Variants in KIF6 observed in about 807,000 individuals in gnomAD.
KIF6 encodes kinesin-like protein KIF6.
Under a neutral mutation model 112.7 loss-of-function variants are expected in KIF6, and 106 were observed. The ratio of observed to expected loss-of-function variants is 0.94; its 90% CI spans 0.80 to 1.11. The LOEUF (loss-of-function observed/expected upper bound fraction) is 1.11. Ranked by LOEUF, KIF6 falls within the 50% of genes least tolerant of loss-of-function variation. KIF6 has a pLI of 0.00. For missense variants in KIF6, 929 were observed against 964.0 expected (o/e 0.96, Z 0.48); for synonymous variants, 339 against 339.9 (o/e 1.00, Z 0.03).
At position 39,468,766 on chromosome 6, in the gene KIF6, TG is replaced by T. The variant is rs535408669; in HGVS notation, c.1646-37606del. On this transcript the variant is annotated intron_variant, in intron 13 of 22. Coordinates refer to ENST00000287152, the MANE Select transcript of KIF6 (RefSeq NM_145027.6). ...CTCTAAAGGTTAATTCAATTCCACA[TG>T]AAAAAAAAAAGGACACCAGTAAAAG... Among the ~76,000 whole-genome samples the T allele has an allele frequency of 4.7e-3, 705 of 149,628 alleles. 5 individuals are homozygous for T. The highest frequency in any genetic ancestry group is 8.6e-3 in the Non-Finnish European group (577 of 67,468).
At chr6:39,346,116 C>CCTCCCTCTCTCTCTCT (rs1763753780) in intron 20 of KIF6, among the ~76,000 whole-genome samples, 1 of 17,844 alleles carries the variant, frequency 5.6e-5, no homozygotes, top group African/African-American at 3.7e-4. Flanking sequence ...CCTCCCTCTC[C>CCTCCCTCTCTCTCTCT]CTCTCCCTCC....
intron 5 of KIF6, among the ~76,000 whole-genome samples, chr6:39,621,948 C>G (rs1200598505): frequency 6.6e-6 from 1 of 151,950 alleles, no homozygotes; most frequent in Non-Finnish European, 1.5e-5. Context: ...GGTGGATCAC[C>G]TGAGGTCAGG....
In KIF6 at chr6:39,639,752, A is replaced by G; in HGVS notation, c.257T>C (p.Leu86Pro). 1 of 1,608,772 alleles carries G rather than the reference A, an allele frequency of 6.2e-7. No homozygotes were observed. Among genetic ancestry groups the G allele is most frequent in the South Asian group, 1.1e-5 (1 of 89,854 alleles). Residue 86 changes from leucine to proline, a missense_variant, in exon 4 of 23, where the codon CTG (leucine) becomes CCG (proline). Leu to Pro is a moderately conservative substitution (Grantham distance 98). Around this residue, in one of 2 missense-constraint regions of KIF6, gnomAD observed 688 missense variants for 662.7 expected, o/e 1.04. Transcript: ENST00000287152. The stretch of plus-strand genomic sequence containing the variant: ...AAAGATGGTACCATTGTAACCTGCC[A>G]GGACACTGCAATAAAGAAATGACAC... ...NIAKPVAGSV[L>P]AGYNGTIFAY...
At chr6:39,520,843 A>C (rs1235713180) in intron 13 of KIF6, among the ~76,000 whole-genome samples, 3 of 152,196 alleles carry the variant, frequency 2.0e-5, no homozygotes, top group Non-Finnish European at 4.4e-5. Context: ...AATTATAATA[A>C]ATATTGATAA....
At chr6:39,690,112 C>T (rs1015272599) in intron 3 of KIF6, 4 of 152,114 alleles carry the variant, frequency 2.6e-5, no homozygotes, top group African/African-American at 7.2e-5. Flanking sequence ...AATATTATTA[C>T]ATTTTATTAG....
chr6:39,524,493 C>T (rs1418286952), intron 13 of KIF6, among the ~76,000 whole-genome samples: 1 of 152,174 alleles, frequency 6.6e-6, no homozygotes, highest in African/African-American at 2.4e-5. Context: ...AGGTCGTATT[C>T]CTCCAGCTGC....
intron 7 of KIF6, among the ~76,000 whole-genome samples, chr6:39,589,453 G>A (rs1002364096): frequency 7.9e-5 from 12 of 152,198 alleles, no homozygotes; most frequent in African/African-American, 1.7e-4. Context: ...CCCCACTGCG[G>A]AGAACAGTGC....
intron 3 of KIF6, among the ~76,000 whole-genome samples, chr6:39,712,612 C>T (rs547418605): frequency 1.7e-3 from 266 of 152,178 alleles, no homozygotes; most frequent in African/African-American, 6.2e-3. Flanking sequence ...CACCTCTAAT[C>T]CTAGCACTTT....
chr6:39,482,386 G>A (rs1381154808), intron 13 of KIF6, among the ~76,000 whole-genome samples: 1 of 152,166 alleles, frequency 6.6e-6, no homozygotes. Context: ...AGTTCTCCAA[G>A]AGAAAAGAGG....
intron 9 of KIF6, among the ~76,000 whole-genome samples, chr6:39,584,564 C>A (rs556093165): frequency 4.0e-5 from 6 of 150,270 alleles, no homozygotes; most frequent in African/African-American, 1.5e-4. Flanking sequence ...CCTTAGGATT[C>A]CCTGCATGTC....
chr6:39,574,189 A>G (rs1180906981), intron 10 of KIF6, among the ~76,000 whole-genome samples: 1 of 152,242 alleles, frequency 6.6e-6, no homozygotes, highest in East Asian at 1.9e-4. Flanking sequence ...CTAAACAGAA[A>G]AATTCATTTA....
At chr6:39,693,664 T>C (rs982796891) in intron 3 of KIF6, among the ~76,000 whole-genome samples, 3 of 151,152 alleles carry the variant, frequency 2.0e-5, no homozygotes, top group Non-Finnish European at 4.4e-5. Context: ...CAAAATGGAA[T>C]CAGTAATAAA....
intron 10 of KIF6, chr6:39,553,966 T>G (rs1195716028): frequency 6.5e-6 from 1 of 155,010 alleles, no homozygotes; most frequent in Non-Finnish European, 1.5e-5. Context: ...ACATCCTATC[T>G]GTGTGCCAGA....
chr6:39,367,053 G>A (rs1196240956), intron 16 of KIF6, among the ~76,000 whole-genome samples: 3 of 152,288 alleles, frequency 2.0e-5, no homozygotes, highest in East Asian at 3.9e-4. Flanking sequence ...CACACTCCAC[G>A]ACACAAACTA....
intron 13 of KIF6, among the ~76,000 whole-genome samples, chr6:39,484,508 A>G (rs1774997884): frequency 6.6e-6 from 1 of 152,200 alleles, no homozygotes; most frequent in Non-Finnish European, 1.5e-5. Flanking sequence ...AGTCCTATGG[A>G]GCAGGACCAC....
intron 3 of KIF6, among the ~76,000 whole-genome samples, chr6:39,701,681 C>T (rs2113837770): frequency 6.6e-6 from 1 of 152,336 alleles, no homozygotes; most frequent in South Asian, 2.1e-4. Context: ...TCCTTCTAGG[C>T]CATCACAAGG....
intron 3 of KIF6, among the ~76,000 whole-genome samples, chr6:39,653,734 C>G (rs962801567): frequency 1.3e-5 from 2 of 152,144 alleles, no homozygotes; most frequent in South Asian, 2.1e-4. Context: ...CCACTTCTCC[C>G]TAACTTCAGT....
At chr6:39,377,264 G>C (rs1218172688) in intron 16 of KIF6, among the ~76,000 whole-genome samples, 1 of 152,008 alleles carries the variant, frequency 6.6e-6, no homozygotes, top group African/African-American at 2.4e-5. Flanking sequence ...GCCCAGGCTG[G>C]TCTCCAACTG....
At chr6:39,457,587 T>G (rs569393578) in intron 13 of KIF6, among the ~76,000 whole-genome samples, 2,091 of 151,472 alleles carry the variant, frequency 0.014, 53 homozygotes, top group African/African-American at 0.047. Flanking sequence ...CAGGAGCTGG[T>G]TTTTTGAAAG....
Sources: gnomAD v4.1 joint callset for allele counts (sites outside exome capture counted in the v4.1 genomes callset) on GRCh38, gnomAD v4.1.1 for gene constraint, gnomAD v4.1.1 regional missense constraint, MANE v1.5 for transcripts, NCBI Gene and HGNC (gene_info 2026-07-23, HGNC 2026-07-21) for gene names.